The following STAU2 variants were observed in gnomAD, a reference collection of about 807,000 sequenced individuals.
STAU2 encodes double-stranded RNA-binding protein Staufen homolog 2.
STAU2 carries 20 observed loss-of-function variants against 65.9 expected under a neutral mutation model. The observed-to-expected ratio is 0.30, with a 90% CI of 0.21 to 0.44. The LOEUF (loss-of-function observed/expected upper bound fraction) is 0.44, where lower values mean the gene tolerates loss of function less well. Ranked by LOEUF, STAU2 falls within the 20% of genes least tolerant of loss-of-function variation. The pLI, the probability that STAU2 is intolerant of heterozygous loss-of-function variation, is 1.00. For synonymous variants in STAU2, 232 were observed against 233.9 expected (o/e 0.99, Z 0.07); for missense variants, 558 against 683.9 (o/e 0.82, Z 2.05).
At chr8:73,715,588 T>C (rs1821200341) in intron 3 of STAU2, among the ~76,000 whole-genome samples, 2 of 152,092 alleles carry the variant, frequency 1.3e-5, no homozygotes, top group Admixed American at 6.6e-5. Flanking sequence ...GGGTGAGAAT[T>C]CTGTTGGTGC....
chr8:73,459,539 A>G (rs1460554472), intron 13 of STAU2, among the ~76,000 whole-genome samples: 1 of 152,070 alleles, frequency 6.6e-6, no homozygotes, highest in East Asian at 1.9e-4. Context: ...TTTACCCTTC[A>G]CCCTGTCAGG....
intron 13 of STAU2, among the ~76,000 whole-genome samples, chr8:73,446,419 T>C (rs1304408273): frequency 6.6e-6 from 1 of 152,116 alleles, no homozygotes; most frequent in African/African-American, 2.4e-5. Context: ...AGCTGCAACA[T>C]AAGGTGTGTT....
At chr8:73,602,091 C>T (rs546689902) in intron 10 of STAU2, among the ~76,000 whole-genome samples, 1 of 151,276 alleles carries the variant, frequency 6.6e-6, no homozygotes, top group Non-Finnish European at 1.5e-5. Flanking sequence ...TCTATGACTA[C>T]ATTATAAGTT....
At chr8:73,609,314 T>C (rs1373147592) in intron 9 of STAU2, among the ~76,000 whole-genome samples, 2 of 152,060 alleles carry the variant, frequency 1.3e-5, no homozygotes, top group African/African-American at 2.4e-5. Flanking sequence ...CTTTTAGCTT[T>C]TGATAAAATA....
At chr8:73,651,380 C>T in intron 6 of STAU2, 1 of 672,152 alleles carries the variant, frequency 1.5e-6, no homozygotes. Context: ...GTGGAAGAGG[C>T]TGGCCAGGGA....
chr8:73,597,010 A>C (rs772164157), intron 10 of STAU2, among the ~76,000 whole-genome samples: 1 of 152,160 alleles, frequency 6.6e-6, no homozygotes, highest in Non-Finnish European at 1.5e-5. Flanking sequence ...GTCTAGAAGA[A>C]AATGCATAGC....
At chr8:73,601,889 T>C (rs970056738) in intron 10 of STAU2, among the ~76,000 whole-genome samples, 1 of 152,220 alleles carries the variant, frequency 6.6e-6, no homozygotes, top group African/African-American at 2.4e-5. Flanking sequence ...TCTTCAAGCT[T>C]TGGCATTCAA....
intron 4 of STAU2, 23 bp downstream of exon 4, chr8:73,709,009 A>C (rs973387373): frequency 6.7e-7 from 1 of 1,491,462 alleles, no homozygotes; most frequent in African/African-American, 1.4e-5. Context: ...AGTATGTCTC[A>C]CCACCTCTCT....
At chr8:73,543,827 T>C (rs1175753609) in intron 13 of STAU2, among the ~76,000 whole-genome samples, 1 of 152,208 alleles carries the variant, frequency 6.6e-6, no homozygotes, top group African/African-American at 2.4e-5. Flanking sequence ...CCATTCTCCC[T>C]GGGCAATATT....
chr8:73,421,641 G>T (rs1366469203), intron 14 of STAU2, among the ~76,000 whole-genome samples, 176 bp from the exon 15 acceptor site: 1 of 152,178 alleles, frequency 6.6e-6, no homozygotes, highest in South Asian at 2.1e-4. Context: ...AAATGTTTTT[G>T]ATTAAATTAG....
chr8:73,437,379 G>A (rs1251811350), intron 13 of STAU2, among the ~76,000 whole-genome samples: 1 of 152,120 alleles, frequency 6.6e-6, no homozygotes, highest in African/African-American at 2.4e-5. Flanking sequence ...AAGGGTGTGA[G>A]GGATGGGTCA....
intron 6 of STAU2, among the ~76,000 whole-genome samples, chr8:73,627,618 CTATT>C (rs900555474): frequency 1.3e-5 from 2 of 151,918 alleles, no homozygotes; most frequent in African/African-American, 4.8e-5. Context: ...TTTGTTTTTC[CTATT>C]TATTTCCACA....
At chr8:73,468,340 A>G (rs1819777907) in intron 13 of STAU2, among the ~76,000 whole-genome samples, 1 of 152,188 alleles carries the variant, frequency 6.6e-6, no homozygotes, top group Admixed American at 6.5e-5. Flanking sequence ...ATAGACTAAA[A>G]CCATAAAAAC....
At position 73,687,354 on chromosome 8, in the gene STAU2, TATAATATAAATATA is replaced by T. The variant is rs1439326862; in HGVS notation, c.274+1286_274+1299del. ...AAATATAATTTATATTTATAATTTA[TATAATATAAATATA>T]ATTTATAATTTATATTTATAAAAAT... On this transcript the variant is annotated intron_variant, in intron 5 of 14. Coordinates refer to ENST00000524300, the MANE Select transcript of STAU2 (RefSeq NM_001164380.2). 5.2e-4 allele frequency among the ~76,000 whole-genome samples: 11 copies of T among 21,198 alleles called. 1 individual carries two copies. Among genetic ancestry groups the T allele is most frequent in the African/African-American group, 8.9e-4 (4 of 4,492 alleles). 13.9% of individuals were successfully genotyped at this position (21,198 alleles called of 152,430 possible).
At position 73,673,262 on chromosome 8, in the gene STAU2, TA is replaced by T; in HGVS notation, c.275-21del. The T allele has an allele frequency of 6.5e-7, 1 of 1,527,108 alleles. No individual in the cohort carries two copies. Among genetic ancestry groups the T allele is most frequent in the Non-Finnish European group, 8.8e-7 (1 of 1,138,138 alleles). The allele number at this position is 1,527,108 out of a possible 1,614,324, so 94.6% of individuals were successfully genotyped here. A position where few individuals can be genotyped will look rare whatever the true frequency, so the allele number is the denominator to read the frequency against. ...TACTGCCTGTTTAAAAAAAAAACAT[TA>T]AAGGCACACAAGTGAAATATCTTCA... On this transcript the variant is annotated intron_variant, in intron 5 of 14. Coordinates refer to ENST00000524300, the MANE Select transcript of STAU2 (RefSeq NM_001164380.2).
chr8:73,678,395 C>A (rs1207742338), intron 5 of STAU2, among the ~76,000 whole-genome samples: 1 of 152,030 alleles, frequency 6.6e-6, no homozygotes, highest in Non-Finnish European at 1.5e-5. Flanking sequence ...ATCCATTGTC[C>A]AGATTCCTAC....
At chr8:73,549,603 T>C (rs1159397729) in intron 13 of STAU2, 1 of 977,106 alleles carries the variant, frequency 1.0e-6, no homozygotes, top group Admixed American at 6.2e-5. Context: ...AAAACAACTT[T>C]GTTTTCAATA....
intron 13 of STAU2, among the ~76,000 whole-genome samples, chr8:73,502,410 T>A (rs1375620465): frequency 6.6e-6 from 1 of 151,972 alleles, no homozygotes; most frequent in Non-Finnish European, 1.5e-5. Context: ...AAATTCGTCA[T>A]CCTAGTGTCC....
chr8:73,534,013 G>C (rs1016815265), intron 13 of STAU2, among the ~76,000 whole-genome samples: 1 of 152,058 alleles, frequency 6.6e-6, no homozygotes, highest in Non-Finnish European at 1.5e-5. Flanking sequence ...AATGAGGAGG[G>C]TATAAAAAAG....
Sources: gnomAD v4.1 joint callset for allele counts (sites outside exome capture counted in the v4.1 genomes callset) on GRCh38, gnomAD v4.1.1 for gene constraint, MANE v1.5 for transcripts, NCBI Gene and HGNC (gene_info 2026-07-23, HGNC 2026-07-21) for gene names.